The following DAB1 variants were observed in gnomAD, a reference collection of about 807,000 sequenced individuals.
DAB1 encodes the protein disabled homolog 1.
A neutral mutation model predicts 64.6 loss-of-function variants in DAB1; 15 were observed. That is an observed-to-expected ratio of 0.23 (90% CI 0.16 to 0.36). The LOEUF (loss-of-function observed/expected upper bound fraction) is 0.36. Ranked by LOEUF, DAB1 falls within the 10% of genes least tolerant of loss-of-function variation. The pLI is 1.00. For synonymous variants in DAB1, 235 were observed against 251.9 expected (o/e 0.93, Z 0.64); for missense variants, 596 against 706.7 (o/e 0.84, Z 1.78).
intron 5 of DAB1, among the ~76,000 whole-genome samples, chr1:58,102,872 A>G (rs1034070160): frequency 2.0e-5 from 3 of 152,196 alleles, no homozygotes; most frequent in Non-Finnish European, 2.9e-5. Context: ...TAACCTCAGG[A>G]AAATGCAAAA....
intron 3 of DAB1, among the ~76,000 whole-genome samples, chr1:58,496,158 A>T (rs1441609593): frequency 6.7e-6 from 1 of 150,358 alleles, no homozygotes; most frequent in Non-Finnish European, 1.5e-5. Flanking sequence ...ATATTCTTTC[A>T]TTTTTTTAGA....
intron 6 of DAB1, among the ~76,000 whole-genome samples, chr1:57,785,248 A>G (rs993192128): frequency 6.6e-6 from 1 of 152,192 alleles, no homozygotes; most frequent in Admixed American, 6.5e-5. Context: ...GTCATCCAAG[A>G]ACTCTGATGG....
intron 7 of DAB1, among the ~76,000 whole-genome samples, chr1:57,439,452 C>T (rs1464175339): frequency 5.6e-5 from 4 of 71,444 alleles, no homozygotes; most frequent in Non-Finnish European, 1.1e-4. Context: ...TTTTTTGAGA[C>T]GGAGTCTCCT....
intron 7 of DAB1, among the ~76,000 whole-genome samples, chr1:57,517,982 C>G (rs1225565332): frequency 1.3e-5 from 2 of 152,158 alleles, no homozygotes; most frequent in African/African-American, 2.4e-5. Flanking sequence ...TGTCACACCA[C>G]CAGTGACACG....
chr1:57,063,989 A>T (rs1264073505), intron 8 of DAB1, among the ~76,000 whole-genome samples: 1 of 152,138 alleles, frequency 6.6e-6, no homozygotes, highest in Non-Finnish European at 1.5e-5. Context: ...TCTTTCCATC[A>T]TATTGGGAGC....
intron 7 of DAB1, among the ~76,000 whole-genome samples, chr1:57,568,301 T>G (rs1645148495): frequency 6.6e-6 from 1 of 152,186 alleles, no homozygotes; most frequent in Non-Finnish European, 1.5e-5. Context: ...ACTTAATTGT[T>G]AGACCTAAAA....
chr1:57,609,224 C>T (rs2101599150), intron 7 of DAB1, among the ~76,000 whole-genome samples: 1 of 152,130 alleles, frequency 6.6e-6, no homozygotes, highest in East Asian at 1.9e-4. Flanking sequence ...TGGATACAAC[C>T]AACTGCGGAT....
chr1:58,509,908 C>T (rs1453534390), intron 2 of DAB1, among the ~76,000 whole-genome samples: 1 of 151,846 alleles, frequency 6.6e-6, no homozygotes, highest in African/African-American at 2.4e-5. Flanking sequence ...AATGGATAAA[C>T]TCCAAGAAAT....
chr1:58,387,434 T>G (rs887212319), intron 3 of DAB1, among the ~76,000 whole-genome samples: 3 of 152,160 alleles, frequency 2.0e-5, no homozygotes, highest in Admixed American at 1.3e-4. Context: ...AGTGAGTGAT[T>G]TTTAGGGAAA....
At chr1:58,082,017 A>C (rs1650027408) in intron 5 of DAB1, among the ~76,000 whole-genome samples, 1 of 150,706 alleles carries the variant, frequency 6.6e-6, no homozygotes, top group South Asian at 2.1e-4. Context: ...TCTACAAGAG[A>C]TTTGGCAGTC....
intron 3 of DAB1, among the ~76,000 whole-genome samples, chr1:58,467,222 C>G (rs892202954): frequency 6.6e-6 from 1 of 152,206 alleles, no homozygotes; most frequent in African/African-American, 2.4e-5. Context: ...AAACATGTAA[C>G]AAAGTGGCTG....
chr1:57,553,349 G>C (rs7417766), intron 7 of DAB1, among the ~76,000 whole-genome samples: 2 of 133,908 alleles, frequency 1.5e-5, no homozygotes, highest in African/African-American at 5.7e-5. Context: ...CAGAGAAAGA[G>C]AGAGAGAAAG....
intron 1 of DAB1, among the ~76,000 whole-genome samples, chr1:57,343,849 G>C (rs1160236228): frequency 6.6e-6 from 1 of 152,248 alleles, no homozygotes. Flanking sequence ...CCAGAAAGCG[G>C]CTCCCACAGT....
At chr1:57,585,448 C>T (rs1645367587) in intron 7 of DAB1, among the ~76,000 whole-genome samples, 1 of 151,970 alleles carries the variant, frequency 6.6e-6, no homozygotes, top group African/African-American at 2.4e-5. Flanking sequence ...TTTATCTTCT[C>T]TTTAAAATTA....
intron 1 of DAB1, among the ~76,000 whole-genome samples, chr1:57,356,455 GA>G (rs1456638662): frequency 6.6e-6 from 1 of 152,068 alleles, no homozygotes; most frequent in African/African-American, 2.4e-5. Flanking sequence ...TGCTTTTGAT[GA>G]TATCACATTT....
intron 1 of DAB1, among the ~76,000 whole-genome samples, chr1:57,341,833 C>A (rs769089818): frequency 6.6e-6 from 1 of 152,128 alleles, no homozygotes; most frequent in Non-Finnish European, 1.5e-5. Context: ...GGGAATGCTA[C>A]GTGTAAGAAC....
chr1:58,274,995 C>T (rs142287629), intron 4 of DAB1, among the ~76,000 whole-genome samples: 2,279 of 152,172 alleles, frequency 0.015, 63 homozygotes, highest in African/African-American at 0.052. Context: ...AGCTGTAGAC[C>T]GGAGCTGTTC....
chr1:57,229,060 A>C (rs1667478447), intron 2 of DAB1, among the ~76,000 whole-genome samples: 1 of 152,246 alleles, frequency 6.6e-6, no homozygotes, highest in Non-Finnish European at 1.5e-5. Context: ...TTTTAGGTAC[A>C]TAATATGCAA....
chr1:58,365,898 A>C (rs557091095), intron 3 of DAB1, among the ~76,000 whole-genome samples: 1 of 152,272 alleles, frequency 6.6e-6, no homozygotes, highest in South Asian at 2.1e-4. Context: ...TGGTATGAAG[A>C]GTGGTCCAAG....
Sources: gnomAD v4.1 joint callset for allele counts (sites outside exome capture counted in the v4.1 genomes callset) on GRCh38, gnomAD v4.1.1 for gene constraint, MANE v1.5 for transcripts, NCBI Gene and HGNC (gene_info 2026-07-23, HGNC 2026-07-21) for gene names.